Variants in CNTNAP5 observed in about 807,000 individuals in gnomAD.
CNTNAP5 encodes contactin associated protein family member 5.
CNTNAP5 carries 72 observed loss-of-function variants against 150.2 expected under a neutral mutation model. The observed-to-expected ratio is 0.48, with a 90% CI of 0.40 to 0.58. The LOEUF is 0.58. Ranked by LOEUF, CNTNAP5 falls within the 20% of genes least tolerant of loss-of-function variation. The probability of loss-of-function intolerance (pLI) is 0.00; values close to 1 mark genes in which losing one functional copy is unlikely to be tolerated. For missense variants in CNTNAP5, 1,636 were observed against 1,626.2 expected, an observed-to-expected ratio of 1.01 and a Z score of -0.10; for synonymous variants, 672 against 619.8, an observed-to-expected ratio of 1.08 and a Z score of -1.25.
intron 19 of CNTNAP5, among the ~76,000 whole-genome samples, chr2:124,851,574 C>T (rs919092848): frequency 2.0e-5 from 3 of 152,046 alleles, no homozygotes; most frequent in Admixed American, 6.6e-5. Context: ...GGAAAGTCAG[C>T]ACATAGGGGT....
chr2:124,463,939 T>A (rs1693315503), intron 6 of CNTNAP5, among the ~76,000 whole-genome samples: 1 of 152,162 alleles, frequency 6.6e-6, no homozygotes, highest in African/African-American at 2.4e-5. Flanking sequence ...GCTGTCATTT[T>A]TTTTCAGCTG....
intron 12 of CNTNAP5, among the ~76,000 whole-genome samples, chr2:124,633,094 C>G (rs568174068): frequency 6.6e-6 from 1 of 152,204 alleles, no homozygotes; most frequent in East Asian, 1.9e-4. Context: ...GGACACAGCT[C>G]CAAATCAAAT....
intron 1 of CNTNAP5, among the ~76,000 whole-genome samples, chr2:124,173,141 G>C (rs770015297): frequency 6.6e-6 from 1 of 152,166 alleles, no homozygotes; most frequent in Admixed American, 6.5e-5. Context: ...AAACATAAGT[G>C]ATAAGTGTTG....
intron 13 of CNTNAP5, among the ~76,000 whole-genome samples, chr2:124,670,267 T>A (rs1057089966): frequency 4.6e-5 from 7 of 151,658 alleles, no homozygotes; most frequent in African/African-American, 1.7e-4. Context: ...AAGAGTTATG[T>A]TGGTGAATAT....
At chr2:124,223,745 T>G (rs1686384794) in intron 2 of CNTNAP5, among the ~76,000 whole-genome samples, 1 of 151,626 alleles carries the variant, frequency 6.6e-6, no homozygotes, top group Non-Finnish European at 1.5e-5. Flanking sequence ...TTATTATAAT[T>G]TTTCGGCTCA....
At chr2:124,183,987 A>G (rs1685269429) in intron 1 of CNTNAP5, among the ~76,000 whole-genome samples, 1 of 152,234 alleles carries the variant, frequency 6.6e-6, no homozygotes, top group African/African-American at 2.4e-5. Flanking sequence ...TTTTATGACA[A>G]AAAGTAGAAG....
chr2:124,834,184 G>T (rs543613583), intron 19 of CNTNAP5, among the ~76,000 whole-genome samples: 1 of 152,080 alleles, frequency 6.6e-6, no homozygotes, highest in Non-Finnish European at 1.5e-5. Context: ...ACCAAGATTC[G>T]CACCAGATAC....
chr2:124,091,501 A>G (rs1229147965), intron 1 of CNTNAP5, among the ~76,000 whole-genome samples: 1 of 152,120 alleles, frequency 6.6e-6, no homozygotes, highest in Non-Finnish European at 1.5e-5. Context: ...ATCACTTTGA[A>G]CCTCAGTTTT....
intron 1 of CNTNAP5, among the ~76,000 whole-genome samples, chr2:124,168,472 G>A (rs570214235): frequency 1.1e-4 from 16 of 152,264 alleles, no homozygotes; most frequent in Non-Finnish European, 2.1e-4. Flanking sequence ...CGGACAAAAA[G>A]TTCTTCATCT....
chr2:124,213,199 G>C (rs987433812), intron 1 of CNTNAP5, among the ~76,000 whole-genome samples: 1 of 152,100 alleles, frequency 6.6e-6, no homozygotes, highest in South Asian at 2.1e-4. Flanking sequence ...CAAGCTCAAG[G>C]CTGGCATACC....
chr2:124,380,983 G>T (rs1480640338), intron 3 of CNTNAP5, among the ~76,000 whole-genome samples: 1 of 152,142 alleles, frequency 6.6e-6, no homozygotes, highest in Non-Finnish European at 1.5e-5. Context: ...GGGAAGAGAG[G>T]GCTGGAATCT....
intron 8 of CNTNAP5, among the ~76,000 whole-genome samples, chr2:124,512,214 T>G (rs2104873184): frequency 6.6e-6 from 1 of 151,986 alleles, no homozygotes; most frequent in East Asian, 2.0e-4. Context: ...GAGAGCCCAC[T>G]TTGGATTCCA....
intron 3 of CNTNAP5, among the ~76,000 whole-genome samples, chr2:124,292,689 AC>A (rs1448278580): frequency 2.0e-5 from 3 of 151,938 alleles, no homozygotes; most frequent in Non-Finnish European, 4.4e-5. Context: ...GGAGGAGAAA[AC>A]ACTTCGCATA....
rs184204218 is a variant in CNTNAP5, at chr2:124,505,745, C to T, written c.1327+1189C>T. 7.2e-4 allele frequency among the ~76,000 whole-genome samples: 110 copies of T among 152,054 alleles called. 1 individual carries two copies. The highest frequency in any genetic ancestry group is 2.7e-3 in the South Asian group (13 of 4,808). The stretch of plus-strand genomic sequence containing the variant: ...CCAATCTCTGATGTCCTTCAAGCAG[C>T]GGTGTATTTACTAAGTTGACAAATA... On this transcript the variant is annotated intron_variant, in intron 8 of 23. Coordinates refer to ENST00000682447, the MANE Select transcript of CNTNAP5 (RefSeq NM_001367498.1).
At chr2:124,201,672 T>G (rs1685732231) in intron 1 of CNTNAP5, among the ~76,000 whole-genome samples, 1 of 152,210 alleles carries the variant, frequency 6.6e-6, no homozygotes, top group South Asian at 2.1e-4. Flanking sequence ...TGTTAAGCAG[T>G]AAGTGACAGG....
intron 10 of CNTNAP5, among the ~76,000 whole-genome samples, chr2:124,542,022 C>T (rs1308913962): frequency 6.6e-6 from 1 of 151,934 alleles, no homozygotes; most frequent in Non-Finnish European, 1.5e-5. Context: ...AGAATTATTC[C>T]TTTAGACAGG....
intron 1 of CNTNAP5, among the ~76,000 whole-genome samples, chr2:124,126,809 C>G (rs1313326543): frequency 6.6e-6 from 1 of 152,088 alleles, no homozygotes; most frequent in African/African-American, 2.4e-5. Context: ...AGACAAAAAC[C>G]ACATGATTGT....
intron 19 of CNTNAP5, among the ~76,000 whole-genome samples, chr2:124,825,505 G>T (rs1286773077): frequency 6.6e-6 from 1 of 152,168 alleles, no homozygotes; most frequent in African/African-American, 2.4e-5. Context: ...CTCTTATACT[G>T]TGGGTGGAGT....
chr2:124,673,360 A>G (rs148779659), intron 13 of CNTNAP5, among the ~76,000 whole-genome samples: 2 of 152,310 alleles, frequency 1.3e-5, no homozygotes, highest in East Asian at 3.9e-4. Context: ...ATGAGCAATA[A>G]TGAATGAGGA....
Sources: gnomAD v4.1 joint callset for allele counts (sites outside exome capture counted in the v4.1 genomes callset) on GRCh38, gnomAD v4.1.1 for gene constraint, MANE v1.5 for transcripts, NCBI Gene and HGNC (gene_info 2026-07-23, HGNC 2026-07-21) for gene names.